The following GPR39 variants were observed in gnomAD, a reference collection of about 807,000 sequenced individuals.
The protein encoded by GPR39 is G protein-coupled receptor 39.
In GPR39, 23 loss-of-function variants were observed where a neutral mutation model predicts 18.4. The observed-to-expected ratio is 1.25, with a 90% CI of 0.90 to 1.77. The LOEUF (loss-of-function observed/expected upper bound fraction) is 1.77, where lower values mean the gene tolerates loss of function less well. Among genes scored for constraint, GPR39 ranks in the 40% most tolerant of loss-of-function variants. The probability of loss-of-function intolerance (pLI) is 0.00; values close to 1 mark genes in which losing one functional copy is unlikely to be tolerated. For synonymous variants in GPR39, 280 were observed against 257.9 expected, an observed-to-expected ratio of 1.09 and a Z score of -0.82; for missense variants, 647 against 602.4, an observed-to-expected ratio of 1.07 and a Z score of -0.78.
intron 1 of GPR39, among the ~76,000 whole-genome samples, chr2:132,448,747 GTC>G (rs1402021495): frequency 6.6e-6 from 1 of 152,166 alleles, no homozygotes. Flanking sequence ...AAACTGCAAT[GTC>G]TCTTCCATTT....
chr2:132,489,143 C>A, intron 1 of GPR39: 1 of 238,992 alleles, frequency 4.2e-6, no homozygotes. Flanking sequence ...GAAGGTACTT[C>A]CTGGGGTTAT....
At chr2:132,625,827 G>A (rs1681532439) in intron 1 of GPR39, among the ~76,000 whole-genome samples, 1 of 152,082 alleles carries the variant, frequency 6.6e-6, no homozygotes, top group Admixed American at 6.5e-5. Context: ...AAAGAAACAA[G>A]CCTGGCTGGG....
chr2:132,492,399 TATATACATACC>T (rs1483407949), intron 1 of GPR39, among the ~76,000 whole-genome samples: 1 of 143,468 alleles, frequency 7.0e-6, no homozygotes, highest in Non-Finnish European at 1.5e-5. Context: ...ATACACCATA[TATATACATACC>T]ATATATATAC....
chr2:132,620,454 T>A lies in GPR39; in HGVS notation c.857-24647T>A, dbSNP rs1337095820. ...CTCCCATCTCAGTTTCCTGGGACTG[T>A]GAATCTCAGAGGCCACACCATCTCC... is the stretch of plus-strand genomic sequence containing the variant. On this transcript the variant is annotated intron_variant, in intron 1 of 1. Transcript: ENST00000329321. Among the ~76,000 whole-genome samples the A allele has an allele frequency of 3.3e-5, 5 of 152,266 alleles. No homozygotes were observed. The East Asian group carries it at 9.7e-4, about 30-fold the overall frequency.
At chr2:132,571,805 C>G (rs766990359) in intron 1 of GPR39, among the ~76,000 whole-genome samples, 4 of 152,134 alleles carry the variant, frequency 2.6e-5, no homozygotes, top group Non-Finnish European at 5.9e-5. Flanking sequence ...ACACAGCATT[C>G]GATGCAAGGC....
At chr2:132,494,228 A>G (rs973756061) in intron 1 of GPR39, among the ~76,000 whole-genome samples, 4 of 152,172 alleles carry the variant, frequency 2.6e-5, no homozygotes, top group Admixed American at 2.6e-4. Flanking sequence ...CCTTATAAAA[A>G]TGGTCCAAGG....
intron 1 of GPR39, among the ~76,000 whole-genome samples, chr2:132,499,844 A>G (rs1678979694): frequency 6.6e-6 from 1 of 152,198 alleles, no homozygotes; most frequent in Admixed American, 6.5e-5. Context: ...ATTTGCAGCT[A>G]CTGTGAAAGG....
chr2:132,516,403 T>C (rs368483677), intron 1 of GPR39, among the ~76,000 whole-genome samples: 2 of 152,254 alleles, frequency 1.3e-5, no homozygotes, highest in East Asian at 3.9e-4. Context: ...AGGCTGATGG[T>C]TCACCTCAGG....
intron 1 of GPR39, among the ~76,000 whole-genome samples, chr2:132,596,403 C>T (rs1363819651): frequency 2.6e-5 from 4 of 151,348 alleles, no homozygotes; most frequent in Non-Finnish European, 5.9e-5. Context: ...AAATGGTGTT[C>T]TTCCTCTTCT....
chr2:132,477,434 C>T (rs1025337806), intron 1 of GPR39, among the ~76,000 whole-genome samples: 10 of 152,098 alleles, frequency 6.6e-5, no homozygotes, highest in South Asian at 2.1e-4. Context: ...GGCATGGTAG[C>T]GCATGCCTGT....
At chr2:132,615,936 C>CT (rs35978559) in intron 1 of GPR39, among the ~76,000 whole-genome samples, 225 of 134,104 alleles carry the variant, frequency 1.7e-3, no homozygotes, top group East Asian at 4.8e-3. Context: ...CATTCCAGCT[C>CT]TTTTTTTTTT....
At chr2:132,618,989 G>C (rs1243435140) in intron 1 of GPR39, among the ~76,000 whole-genome samples, 1 of 152,180 alleles carries the variant, frequency 6.6e-6, no homozygotes, top group Non-Finnish European at 1.5e-5. Context: ...GAGTCGGCAG[G>C]CCTGGTAACC....
intron 1 of GPR39, among the ~76,000 whole-genome samples, chr2:132,576,952 GT>G (rs1680539514): frequency 6.6e-6 from 1 of 151,652 alleles, no homozygotes; most frequent in Non-Finnish European, 1.5e-5. Flanking sequence ...TCCTTATTTT[GT>G]TTTATTGATC....
chr2:132,432,163 C>A (rs111690043), intron 1 of GPR39, among the ~76,000 whole-genome samples: 6,702 of 152,220 alleles, frequency 0.044, 210 homozygotes, highest in Middle Eastern at 0.12. Flanking sequence ...AAGCAACAGA[C>A]ATTATTTTCT....
chr2:132,440,038 T>C (rs1291597478), intron 1 of GPR39, among the ~76,000 whole-genome samples: 1 of 152,144 alleles, frequency 6.6e-6, no homozygotes, highest in Non-Finnish European at 1.5e-5. Context: ...CATCCTACTT[T>C]GTATCTTGTG....
chr2:132,552,174 G>A (rs1364216384), intron 1 of GPR39, among the ~76,000 whole-genome samples: 2 of 152,092 alleles, frequency 1.3e-5, no homozygotes, highest in Non-Finnish European at 2.9e-5. Flanking sequence ...TATTTACATT[G>A]TTTTAGGTAT....
intron 1 of GPR39, among the ~76,000 whole-genome samples, chr2:132,632,393 A>G (rs779733135): frequency 6.6e-6 from 1 of 152,162 alleles, no homozygotes; most frequent in Non-Finnish European, 1.5e-5. Flanking sequence ...TTGCCAGCTG[A>G]CATTGTGTTC....
chr2:132,455,656 G>T lies in GPR39; in HGVS notation c.856+37758G>T, dbSNP rs1034941335. On this transcript the variant is annotated intron_variant, in intron 1 of 1. Transcript: ENST00000329321. ...TCCCTCTACACACTGCTTTAAATGT[G>T]TCCCAGAGATTCTGGTATGTTGTGT... 2.0e-5 allele frequency among the ~76,000 whole-genome samples: 3 copies of T among 152,130 alleles called. No individual in the cohort carries two copies. The East Asian group carries it at 5.8e-4, about 29-fold the overall frequency.
Position 132,456,468 on chromosome 2 carries a change from G to A in GPR39, c.856+38570G>A, listed in dbSNP as rs1680730668. ...GTGTGTCTTTTAATTGGGGCATTTGGCCCATTTACATTTAAGGGTAATACT... is the reference window on the plus strand; with the variant it reads ...GTGTGTCTTTTAATTGGGGCATTTGACCCATTTACATTTAAGGGTAATACT... On this transcript the variant is annotated intron_variant, in intron 1 of 1. Transcript: ENST00000329321. Among the ~76,000 whole-genome samples the A allele has an allele frequency of 2.0e-5, 3 of 152,066 alleles. No homozygotes were observed. The South Asian group carries it at 6.2e-4, about 32-fold the overall frequency.
Sources: allele counts gnomAD v4.1 joint callset (sites outside exome capture counted in the v4.1 genomes callset), GRCh38; gene constraint gnomAD v4.1.1; transcripts MANE v1.5; gene names NCBI Gene and HGNC (gene_info 2026-07-23, HGNC 2026-07-21).